SNAP47: variants seen among roughly 807,000 people sequenced by gnomAD.
SNAP47 encodes synaptosome associated protein 47.
SNAP47 carries 20 observed loss-of-function variants against 31.4 expected under a neutral mutation model. The ratio of observed to expected loss-of-function variants is 0.64; its 90% CI spans 0.45 to 0.93. The LOEUF (loss-of-function observed/expected upper bound fraction) is 0.93, where lower values mean the gene tolerates loss of function less well. Among genes scored for constraint, SNAP47 ranks in the 40% least tolerant of loss-of-function variants. SNAP47 has a pLI of 0.00. For synonymous variants in SNAP47, 194 were observed against 213.4 expected (o/e 0.91, Z 0.79); for missense variants, 492 against 528.5 (o/e 0.93, Z 0.68).
intron 4 of SNAP47, among the ~76,000 whole-genome samples, chr1:227,775,607 G>T (rs1664111864): frequency 6.6e-6 from 1 of 152,242 alleles, no homozygotes; most frequent in Admixed American, 6.5e-5. Context: ...AACGCACAAG[G>T]CTGGGACGTC....
intron 4 of SNAP47, chr1:227,776,279 A>AT: frequency 9.8e-7 from 1 of 1,018,566 alleles, no homozygotes. Flanking sequence ...GCCAGCCTGG[A>AT]TTGTACTGTC....
chr1:227,730,692 T>A (rs557545427), upstream of SNAP47: 1 of 152,308 alleles, frequency 6.6e-6, no homozygotes, highest in African/African-American at 2.4e-5. Context: ...TGCGGAAGCA[T>A]GAGGGTCTTC....
intron 2 of SNAP47, among the ~76,000 whole-genome samples, chr1:227,754,172 C>G (rs1662549306): frequency 6.6e-6 from 1 of 152,242 alleles, no homozygotes; most frequent in Admixed American, 6.5e-5. Flanking sequence ...GTGGCCTGGG[C>G]TCTCCTCCAA....
At chr1:227,776,482 C>T (rs1664166516) in intron 4 of SNAP47, 7 of 985,734 alleles carry the variant, frequency 7.1e-6, no homozygotes, top group Non-Finnish European at 7.2e-6. Context: ...ACTCAGAGCC[C>T]ATGAAGGTTC....
At chr1:227,735,360 G>A (rs1661037771), upstream of SNAP47, 5 of 1,593,172 alleles carry the variant, frequency 3.1e-6, no homozygotes, top group African/African-American at 5.4e-5. Context: ...AGAAGACGCA[G>A]GGCGCCGCGT....
chr1:227,729,975 C>T (rs957824344), intron 1 of SNAP47, among the ~76,000 whole-genome samples: 2 of 152,228 alleles, frequency 1.3e-5, no homozygotes, highest in Admixed American at 6.5e-5. Context: ...CTCACCCAGG[C>T]ATGGTGGGGT....
In SNAP47 at chr1:227,747,779, T is replaced by C; in HGVS notation, c.43T>C (p.Tyr15His). 6.2e-7 allele frequency: 1 copy of C among 1,614,148 alleles called. No homozygotes were observed. Among genetic ancestry groups the C allele is most frequent in the South Asian group, 1.1e-5 (1 of 91,082 alleles). The change falls in exon 2 of 5, where the codon TAC (tyrosine) becomes CAC (histidine). Residue 15 changes from tyrosine (Y) to histidine (H), a missense_variant. Physicochemically the swap from Tyr to His is moderately conservative, Grantham distance 83 (BLOSUM62 2). Coordinates refer to ENST00000617596, the MANE Select transcript of SNAP47 (RefSeq NM_053052.4). ...CATCCACACCTGGCCGTGCACCTAC[T>C]ACCTGGAGCCCAAGAGGCGATGGGT... ...VCIHTWPCTY[Y>H]LEPKRRWVTG...
At chr1:227,779,925 A>G (rs1474005436) in intron 4 of SNAP47, among the ~76,000 whole-genome samples, 3 of 152,202 alleles carry the variant, frequency 2.0e-5, no homozygotes, top group African/African-American at 7.2e-5. Context: ...GCCGGGGACC[A>G]TCTCCCACAC....
upstream of SNAP47, chr1:227,734,979 C>T (rs1179032693): frequency 2.0e-6 from 3 of 1,507,990 alleles, no homozygotes; most frequent in Non-Finnish European, 2.7e-6. Flanking sequence ...CCGGCCTTTC[C>T]TCCCCGCCCG....
At position 227,741,992 on chromosome 1, in the gene SNAP47, T is replaced by G. The variant is rs1406850616; in HGVS notation, c.-45-5700T>G. Among the ~76,000 whole-genome samples the G allele has an allele frequency of 6.6e-6, 1 of 151,234 alleles. No homozygotes were observed. Among genetic ancestry groups the G allele is most frequent in the Non-Finnish European group, 1.5e-5 (1 of 67,862 alleles). ...AGAGCCTTGGTTATTCATGTCCTAATTTTTTGGTCTTTTTTTTCTTTTTTT... is the reference window on the plus strand; with the variant it reads ...AGAGCCTTGGTTATTCATGTCCTAAGTTTTTGGTCTTTTTTTTCTTTTTTT... On this transcript the variant is annotated intron_variant, in intron 1 of 4. Coordinates refer to ENST00000617596, the MANE Select transcript of SNAP47 (RefSeq NM_053052.4). This position sits in a 1 kb window ranked among gnomAD's most constrained non-coding sequence, Gnocchi z 4.2.
At chr1:227,748,414 A>G (rs1034121449) in intron 2 of SNAP47, among the ~76,000 whole-genome samples, 181 bp downstream of exon 2, 13 of 152,344 alleles carry the variant, frequency 8.5e-5, no homozygotes, top group African/African-American at 3.1e-4. Flanking sequence ...AGCACTCGGA[A>G]AGCGAGGCTG....
At chr1:227,755,028 AAAG>A (rs1662608254) in intron 2 of SNAP47, among the ~76,000 whole-genome samples, 1 of 152,154 alleles carries the variant, frequency 6.6e-6, no homozygotes, top group African/African-American at 2.4e-5. Context: ...CAGACCATGA[AAAG>A]AAGGAGGGGG....
At chr1:227,732,633 T>C (rs367617731), upstream of SNAP47, 151 of 1,613,302 alleles carry the variant, frequency 9.4e-5, no homozygotes, top group Non-Finnish European at 8.6e-5. Context: ...GAGGAAGTGG[T>C]AAAACTCTTC....
At chr1:227,773,572 C>T (rs1663964742) in intron 4 of SNAP47, among the ~76,000 whole-genome samples, 1 of 152,200 alleles carries the variant, frequency 6.6e-6, no homozygotes. Flanking sequence ...GCTCACTCAC[C>T]ACACACCCAG....
chr1:227,729,671 A>T (rs1660515661), intron 1 of SNAP47, among the ~76,000 whole-genome samples: 1 of 151,994 alleles, frequency 6.6e-6, no homozygotes, highest in South Asian at 2.1e-4. Context: ...TCCCTGGGGG[A>T]GGCACCTTCT....
upstream of SNAP47, chr1:227,733,186 G>T: frequency 4.3e-6 from 4 of 932,474 alleles, no homozygotes; most frequent in South Asian, 6.7e-5. Context: ...GAAGTGGGTG[G>T]CGGGCTCGGA....
chr1:227,742,632 C>G (rs1661684049), intron 1 of SNAP47, among the ~76,000 whole-genome samples: 3 of 152,240 alleles, frequency 2.0e-5, no homozygotes, highest in Admixed American at 6.5e-5. Context: ...ACTGTCCACA[C>G]CGTGTCTAGC....
intron 1 of SNAP47, among the ~76,000 whole-genome samples, 193 bp from the exon 2 acceptor site, chr1:227,747,499 G>C (rs564266428): frequency 1.3e-5 from 2 of 152,170 alleles, no homozygotes; most frequent in Admixed American, 1.3e-4. Context: ...CAGCCCTCCT[G>C]CTCTGGCTGC....
intron 2 of SNAP47, among the ~76,000 whole-genome samples, chr1:227,748,818 T>C (rs148324199): frequency 1.3e-5 from 2 of 152,392 alleles, no homozygotes; most frequent in African/African-American, 4.8e-5. Context: ...CATTTGTTCA[T>C]GAGCTATGTT....
Sources: allele counts gnomAD v4.1 joint callset (sites outside exome capture counted in the v4.1 genomes callset), GRCh38; gene constraint gnomAD v4.1.1; non-coding constraint Gnocchi (gnomAD v3.1); transcripts MANE v1.5; gene names NCBI Gene and HGNC (gene_info 2026-07-23, HGNC 2026-07-21).